The following CGGBP1 variants were observed in gnomAD, a reference collection of about 807,000 sequenced individuals.
CGGBP1 encodes the protein CGG triplet repeat-binding protein 1.
CGGBP1 carries 4 observed loss-of-function variants against 11.4 expected under a neutral mutation model. The ratio of observed to expected loss-of-function variants is 0.35; its 90% CI spans 0.17 to 0.80. The LOEUF is 0.80. CGGBP1 is among the 30% of genes least tolerant of loss of function. The probability of loss-of-function intolerance (pLI) is 0.52; values close to 1 mark genes in which losing one functional copy is unlikely to be tolerated. For synonymous variants in CGGBP1, 76 were observed against 74.1 expected (o/e 1.03, Z -0.13); for missense variants, 135 against 202.1 (o/e 0.67, Z 2.01).
chr3:88,129,065 A>T, intron 2 of CGGBP1: 1 of 1,330,162 alleles, frequency 7.5e-7, no homozygotes, highest in South Asian at 1.5e-5. Context: ...CCAAAAAAAA[A>T]CCAAAAAAAA....
rs922109773 is a variant in CGGBP1, at chr3:88,058,970, G to C, written c.-486C>G. The C allele has an allele frequency of 4.5e-6, 1 of 221,886 alleles. No homozygotes were observed. 13.7% of individuals were successfully genotyped at this position (221,886 alleles called of 1,614,324 possible). ...GATCGAGCCCCGCGGCGGCCGCCGT[G>C]TCCCCCGCCGCGCCCCGTCCGCCTG... On this transcript the variant is annotated 5_prime_UTR_variant, in exon 1 of 4. Coordinates refer to ENST00000482016, the MANE Select transcript of CGGBP1 (RefSeq NM_001008390.2).
chr3:88,144,704 T>G (rs1200705242), intron 1 of CGGBP1: 1 of 152,412 alleles, frequency 6.6e-6, no homozygotes, highest in South Asian at 2.1e-4. Context: ...CAAAAGGAAT[T>G]AGACATATAA....
chr3:88,112,895 T>C lies in CGGBP1; in HGVS notation c.-229+28075A>G, dbSNP rs529990120. On this transcript the variant is annotated intron_variant, in intron 2 of 3. Transcript: ENST00000462901. Reference sequence around the variant, plus strand: ...TGAGTAGTATAATTGTTTCATTCTATAGTTCTAAAACTTAAGTATATTTCT... The same window carrying C: ...TGAGTAGTATAATTGTTTCATTCTACAGTTCTAAAACTTAAGTATATTTCT... Among the ~76,000 whole-genome samples, 9 of 152,234 alleles carry C rather than the reference T, an allele frequency of 5.9e-5. No individual in the cohort carries two copies. The South Asian group carries it at 1.7e-3, about 28-fold the overall frequency.
At chr3:88,125,345 C>T (rs189469199) in intron 2 of CGGBP1, among the ~76,000 whole-genome samples, 6 of 152,068 alleles carry the variant, frequency 3.9e-5, no homozygotes, top group African/African-American at 1.4e-4. Context: ...ATTCAGTAAA[C>T]TAAGACTCAT....
chr3:88,075,144 TTC>T (rs1290628456), intron 2 of CGGBP1, among the ~76,000 whole-genome samples: 2 of 152,204 alleles, frequency 1.3e-5, no homozygotes, highest in African/African-American at 4.8e-5. Context: ...AGCTTTTAAT[TTC>T]TGTTTCTTCT....
intron 2 of CGGBP1, among the ~76,000 whole-genome samples, chr3:88,102,683 G>T (rs769483014): frequency 2.0e-5 from 3 of 152,112 alleles, no homozygotes; most frequent in Admixed American, 6.6e-5. Flanking sequence ...AGAAGGTCAT[G>T]ATACCAACAA....
chr3:88,095,606 C>A (rs1371151219), intron 2 of CGGBP1: 1 of 520,146 alleles, frequency 1.9e-6, no homozygotes, highest in East Asian at 5.6e-5. Flanking sequence ...CCCCAATGAT[C>A]TTTTCTGGTT....
chr3:88,140,784 T>C (rs1216021388), intron 2 of CGGBP1: 1 of 1,613,754 alleles, frequency 6.2e-7, no homozygotes, highest in South Asian at 1.1e-5. Flanking sequence ...ACATACTTCA[T>C]ATGGCTTAAT....
intron 2 of CGGBP1, chr3:88,095,404 C>T: frequency 3.0e-6 from 1 of 329,104 alleles, no homozygotes. Flanking sequence ...GGGATCACCC[C>T]CTTTTAGCCC....
At chr3:88,116,138 T>C (rs956738056) in intron 2 of CGGBP1, among the ~76,000 whole-genome samples, 2 of 152,100 alleles carry the variant, frequency 1.3e-5, no homozygotes, top group African/African-American at 4.8e-5. Flanking sequence ...GTCAATCTCA[T>C]TCTTGTTGCT....
intron 2 of CGGBP1, among the ~76,000 whole-genome samples, chr3:88,094,942 T>C (rs1703972761): frequency 1.3e-5 from 2 of 152,160 alleles, no homozygotes; most frequent in African/African-American, 4.8e-5. Flanking sequence ...TTTTGCTCAC[T>C]GCTTCTTACA....
At chr3:88,092,339 A>G (rs2107682594) in intron 2 of CGGBP1, among the ~76,000 whole-genome samples, 1 of 152,348 alleles carries the variant, frequency 6.6e-6, no homozygotes, top group South Asian at 2.1e-4. Flanking sequence ...CTTGTTCTCC[A>G]AGATGTTACA....
chr3:88,128,844 T>C (rs1284488372), intron 2 of CGGBP1: 2 of 1,535,410 alleles, frequency 1.3e-6, no homozygotes, highest in South Asian at 1.2e-5. Flanking sequence ...TCCACTGTTC[T>C]TTGAACTACG....
chr3:88,055,582 C>T lies in CGGBP1; in HGVS notation c.395G>A (p.Arg132His), dbSNP rs371413877. 2.5e-6 allele frequency: 4 copies of T among 1,611,648 alleles called. No homozygotes were observed. The highest frequency in any genetic ancestry group is 1.7e-5 in the Admixed American group (1 of 59,944). The change falls in exon 4 of 4, where the codon CGC becomes CAC. Residue 132 changes from arginine (R) to histidine (H), a missense_variant. Physicochemically the swap from Arg to His is conservative, Grantham distance 29. Coordinates refer to ENST00000482016, the MANE Select transcript of CGGBP1 (RefSeq NM_001008390.2). The surrounding 1 kb of genome is among the most constrained non-coding windows in gnomAD (Gnocchi z 4.2). The stretch of plus-strand genomic sequence containing the variant: ...TATGGAGCCTCCATTCTTCACATGG[C>T]GAGATAGGAAAGCACGGACTGCTGG... ...DHPAVRAFLS[R>H]HVKNGGSIPK...
At chr3:88,087,666 C>T (rs368078611) in intron 2 of CGGBP1, among the ~76,000 whole-genome samples, 20 of 152,304 alleles carry the variant, frequency 1.3e-4, no homozygotes, top group African/African-American at 4.6e-4. Flanking sequence ...CACACCACAA[C>T]AGTGGCTTAT....
At position 88,057,226 on chromosome 3, in the gene CGGBP1, AAGGACTT is replaced by A. The variant is rs1706566784; in HGVS notation, c.-66_-60del. The stretch of plus-strand genomic sequence containing the variant: ...CTGGGTAACATGAACTCTCTTTCAA[AAGGACTT>A]TAAATTGCCAACGTATCAGACAGTC... On this transcript the variant is annotated 5_prime_UTR_variant, in exon 3 of 4. Coordinates refer to ENST00000482016, the MANE Select transcript of CGGBP1 (RefSeq NM_001008390.2). 6.6e-6 allele frequency: 1 copy of A among 152,244 alleles called. No homozygotes were observed. The highest frequency in any genetic ancestry group is 2.4e-5 in the African/African-American group (1 of 41,466). The allele number at this position is 152,244 out of a possible 1,614,324, so 9.4% of individuals were successfully genotyped here.
At chr3:88,069,613 G>A (rs1180836172) in intron 2 of CGGBP1, among the ~76,000 whole-genome samples, 6 of 152,206 alleles carry the variant, frequency 3.9e-5, no homozygotes, top group Non-Finnish European at 8.8e-5. Flanking sequence ...TAATTGGCAA[G>A]CTTCAACATT....
intron 1 of CGGBP1, among the ~76,000 whole-genome samples, chr3:88,148,879 G>T (rs924427027): frequency 3.9e-5 from 6 of 152,098 alleles, no homozygotes; most frequent in African/African-American, 1.4e-4. Context: ...GGCCTCTTGT[G>T]ATCTGCCCGC....
rs1706611797 is a variant in CGGBP1 at position 88,058,074 on chromosome 3, G to C, written c.-181C>G. 1 of 152,312 alleles carries C rather than the reference G, an allele frequency of 6.6e-6. No homozygotes were observed. The highest frequency in any genetic ancestry group is 1.5e-5 in the Non-Finnish European group (1 of 68,034). The allele number at this position is 152,312 out of a possible 1,614,324, so 9.4% of individuals were successfully genotyped here. On this transcript the variant is annotated 5_prime_UTR_variant, in exon 2 of 4. Transcript: ENST00000482016. The stretch of plus-strand genomic sequence containing the variant: ...TACTTAGCAGGGAATGGTCTCCAGA[G>C]CGAAACCAGAGACGCATCAAATCCT...
Sources: allele counts gnomAD v4.1 joint callset (sites outside exome capture counted in the v4.1 genomes callset), GRCh38; gene constraint gnomAD v4.1.1; non-coding constraint Gnocchi (gnomAD v3.1); transcripts MANE v1.5; gene names NCBI Gene and HGNC (gene_info 2026-07-23, HGNC 2026-07-21).